Variants in MIPEP observed in about 807,000 individuals in gnomAD.
The protein encoded by MIPEP is mitochondrial intermediate peptidase.
A neutral mutation model predicts 90.3 loss-of-function variants in MIPEP; 79 were observed. That is an observed-to-expected ratio of 0.87 (90% confidence interval 0.73 to 1.05). The LOEUF is 1.05. Among genes scored for constraint, MIPEP ranks in the 50% least tolerant of loss-of-function variants. The pLI is 0.00. For missense variants in MIPEP, 940 were observed against 905.6 expected, an observed-to-expected ratio of 1.04 and a Z score of -0.49; for synonymous variants, 334 against 315.8, an observed-to-expected ratio of 1.06 and a Z score of -0.61.
At chr13:23,845,472 T>C (rs1275986568) in intron 10 of MIPEP, among the ~76,000 whole-genome samples, 2 of 152,224 alleles carry the variant, frequency 1.3e-5, no homozygotes, top group Non-Finnish European at 2.9e-5. Context: ...TTACAGAAAA[T>C]GCATCCCGTT....
chr13:23,831,705 T>C (rs1225439404), intron 14 of MIPEP, among the ~76,000 whole-genome samples: 2 of 152,102 alleles, frequency 1.3e-5, no homozygotes, highest in Non-Finnish European at 2.9e-5. Flanking sequence ...GAACCCAGCC[T>C]CCAGAGAGAG....
intron 18 of MIPEP, among the ~76,000 whole-genome samples, chr13:23,748,294 T>C (rs920998486): frequency 2.6e-5 from 4 of 151,542 alleles, no homozygotes; most frequent in African/African-American, 9.7e-5. Context: ...CAAATATTTA[T>C]TGAATGCCGA....
chr13:23,843,628 AGG>A (rs1197429374), intron 10 of MIPEP, among the ~76,000 whole-genome samples: 2 of 152,222 alleles, frequency 1.3e-5, no homozygotes, highest in Non-Finnish European at 2.9e-5. Flanking sequence ...CAGCTTCTGT[AGG>A]CCATAGGGGA....
chr13:23,874,820 GT>G lies in MIPEP; in HGVS notation c.603+25del, dbSNP rs1870990016. On this transcript the variant is annotated intron_variant, in intron 5 of 18. Coordinates refer to ENST00000382172, the MANE Select transcript of MIPEP (RefSeq NM_005932.4). ...ACTAAATGTTAGTAAAACTGGAAGA[GT>G]CAAAAAAACAGCAGAAAGATGTACC... 11 of 1,563,602 alleles carry G rather than the reference GT, an allele frequency of 7.0e-6. No homozygotes were observed. The East Asian group carries it at 2.5e-4, about 36-fold the overall frequency.
chr13:23,811,071 A>G (rs1953166202), intron 14 of MIPEP, among the ~76,000 whole-genome samples: 1 of 152,198 alleles, frequency 6.6e-6, no homozygotes, highest in Non-Finnish European at 1.5e-5. Context: ...ATCTTGTATG[A>G]AAGAAATACT....
chr13:23,801,335 G>A (rs998600028), intron 16 of MIPEP, among the ~76,000 whole-genome samples: 4 of 152,090 alleles, frequency 2.6e-5, no homozygotes, highest in Non-Finnish European at 5.9e-5. Flanking sequence ...CTGTTCTCAG[G>A]TCTGTTTCAA....
In MIPEP at chr13:23,735,245, T is replaced by C. The variant is rs946495101; in HGVS notation, c.2045-4800A>G. On this transcript the variant is annotated intron_variant, in intron 18 of 18. Coordinates refer to ENST00000382172, the MANE Select transcript of MIPEP (RefSeq NM_005932.4). The stretch of plus-strand genomic sequence containing the variant: ...ATACCTAGCTGGTATCTGTGGCAGG[T>C]GGGGTTCCCTCTCTTGGCTTTGGAG... Among the ~76,000 whole-genome samples, 410 of 152,044 alleles carry C rather than the reference T, an allele frequency of 2.7e-3. 4 individuals are homozygous for C. The highest frequency in any genetic ancestry group is 8.4e-3 in the African/African-American group (350 of 41,556).
chr13:23,827,407 G>A (rs1868518590), intron 14 of MIPEP, among the ~76,000 whole-genome samples: 1 of 152,172 alleles, frequency 6.6e-6, no homozygotes, highest in African/African-American at 2.4e-5. Context: ...AGAGGCTTAT[G>A]ACTAGTAAGG....
At chr13:23,732,364 G>A (rs185211673) in intron 18 of MIPEP, among the ~76,000 whole-genome samples, 168 of 152,020 alleles carry the variant, frequency 1.1e-3, no homozygotes, top group African/African-American at 3.8e-3. Context: ...CAATCACTTT[G>A]AAAAAAGGTC....
At chr13:23,863,208 G>A (rs893741758) in intron 8 of MIPEP, among the ~76,000 whole-genome samples, 1 of 152,204 alleles carries the variant, frequency 6.6e-6, no homozygotes, top group African/African-American at 2.4e-5. Flanking sequence ...TACAAACGGT[G>A]ACTGCTTCTT....
At position 23,730,401 on chromosome 13, in the gene MIPEP, G is replaced by A. The variant is rs1177195946; in HGVS notation, c.2089C>T (p.Leu697Phe). The A allele has an allele frequency of 3.7e-6, 6 of 1,612,736 alleles. No individual in the cohort carries two copies. Among genetic ancestry groups the A allele is most frequent in the South Asian group, 1.1e-5 (1 of 90,938 alleles). The change falls in exon 19 of 19, where the codon CTC (leucine) becomes TTC (phenylalanine). Residue 697 changes from leucine (L) to phenylalanine (F), a missense_variant. Coordinates refer to ENST00000382172, the MANE Select transcript of MIPEP (RefSeq NM_005932.4). ...CPSVDDFVSALVSDLDLDFET... is the reference protein window; with the variant it reads ...CPSVDDFVSAFVSDLDLDFET... The stretch of plus-strand genomic sequence containing the variant: ...AAGTCCAGATCCAAGTCGGAAACGA[G>A]GGCACTTACGAAGTCATCAACAGAA...
At chr13:23,845,923 T>A (rs1003689334) in intron 10 of MIPEP, among the ~76,000 whole-genome samples, 3 of 143,646 alleles carry the variant, frequency 2.1e-5, no homozygotes, top group Admixed American at 2.1e-4. Context: ...TTGTTTTTAA[T>A]TTTTTTTTTT....
rs550644887 is a variant in MIPEP at position 23,799,303 on chromosome 13, C to T, written c.1848+6647G>A. ...AGGATTACAGGCATGAGCCACCACACCCAGGCAAATTAGAGTAATTTTTTT... is the reference window on the plus strand; with the variant it reads ...AGGATTACAGGCATGAGCCACCACATCCAGGCAAATTAGAGTAATTTTTTT... On this transcript the variant is annotated intron_variant, in intron 16 of 18. Transcript: ENST00000382172. 8.6e-5 allele frequency among the ~76,000 whole-genome samples: 13 copies of T among 151,374 alleles called. No homozygotes were observed. The South Asian group carries it at 2.7e-3, about 32-fold the overall frequency.
chr13:23,760,236 C>T lies in MIPEP; in HGVS notation c.1849-19G>A. 1 of 1,613,838 alleles carries T rather than the reference C, an allele frequency of 6.2e-7. No individual in the cohort carries two copies. Among genetic ancestry groups the T allele is most frequent in the South Asian group, 1.1e-5 (1 of 91,062 alleles). On this transcript the variant is annotated intron_variant, in intron 16 of 18. Coordinates refer to ENST00000382172, the MANE Select transcript of MIPEP (RefSeq NM_005932.4). ...GCCAGGCCTGCCAAGAACAGAGAGA[C>T]ACAGCACGGGACACAAGTCAGTTTC...
At chr13:23,806,206 T>C (rs1953105226) in intron 15 of MIPEP, 137 bp from the exon 16 acceptor site, 1 of 847,750 alleles carries the variant, frequency 1.2e-6, no homozygotes, top group African/African-American at 1.7e-5. Flanking sequence ...TAAACTTACA[T>C]GGTTTGAAAT....
intron 14 of MIPEP, among the ~76,000 whole-genome samples, chr13:23,834,030 C>T (rs9507169): frequency 0.24 from 36,397 of 151,912 alleles, 4,655 homozygotes; most frequent in East Asian, 0.45. Flanking sequence ...CTGCCTCCCA[C>T]CCTGACCCCT....
intron 18 of MIPEP, among the ~76,000 whole-genome samples, chr13:23,731,167 A>G (rs200554496): frequency 6.6e-6 from 1 of 152,228 alleles, no homozygotes; most frequent in East Asian, 1.9e-4. Context: ...GCTTTAACCT[A>G]CATTCTTGGC....
chr13:23,786,195 C>A (rs555410769), intron 16 of MIPEP, among the ~76,000 whole-genome samples: 1 of 152,124 alleles, frequency 6.6e-6, no homozygotes, highest in East Asian at 1.9e-4. Flanking sequence ...CCCCTGCATG[C>A]CAGCCTGGGC....
At chr13:23,818,698 C>A (rs1953271228) in intron 14 of MIPEP, among the ~76,000 whole-genome samples, 1 of 152,196 alleles carries the variant, frequency 6.6e-6, no homozygotes, top group Non-Finnish European at 1.5e-5. Flanking sequence ...TTGGCTGAAA[C>A]TCTGTGATTG....
Sources: gnomAD v4.1 joint callset for allele counts (sites outside exome capture counted in the v4.1 genomes callset) on GRCh38, gnomAD v4.1.1 for gene constraint, MANE v1.5 for transcripts, NCBI Gene and HGNC (gene_info 2026-07-23, HGNC 2026-07-21) for gene names.